Variants in CA14 observed in about 807,000 individuals in gnomAD.
CA14 encodes the protein carbonic anhydrase 14.
In CA14, 44 loss-of-function variants were observed where a neutral mutation model predicts 48.8. That is an observed-to-expected ratio of 0.90 (90% CI 0.71 to 1.16). CA14 has a LOEUF of 1.16. CA14 is among the 50% of genes most tolerant of loss of function. The probability of loss-of-function intolerance (pLI) is 0.00; values close to 1 mark genes in which losing one functional copy is unlikely to be tolerated. For synonymous variants in CA14, 154 were observed against 155.0 expected (o/e 0.99, Z 0.05); for missense variants, 386 against 401.0 (o/e 0.96, Z 0.32).
chr1:150,258,903 A>G (rs1650766028), intron 1 of CA14, among the ~76,000 whole-genome samples: 1 of 152,166 alleles, frequency 6.6e-6, no homozygotes, highest in African/African-American at 2.4e-5. Flanking sequence ...GTTTGTGGAA[A>G]GAGCAGGGTG....
intron 9 of CA14, 37 bp downstream of exon 9, chr1:150,263,716 G>A (rs782179449): frequency 1.5e-5 from 24 of 1,613,076 alleles, no homozygotes; most frequent in Non-Finnish European, 2.0e-5. Flanking sequence ...GGGAGGGGAG[G>A]TGTCCTCACC....
At position 150,258,163 on chromosome 1, in the gene CA14, G is replaced by T; in HGVS notation, c.35G>T (p.Trp12Leu). The T allele has an allele frequency of 6.2e-7, 1 of 1,611,490 alleles. No homozygotes were observed. Among genetic ancestry groups the T allele is most frequent in the Non-Finnish European group, 8.5e-7 (1 of 1,178,372 alleles). Residue 12 changes from tryptophan (W) to leucine (L), a missense_variant, in exon 1 of 11, where the codon TGG becomes TTG. Physicochemically the swap from Trp to Leu is moderately conservative, Grantham distance 61. Coordinates refer to ENST00000369111, the MANE Select transcript of CA14 (RefSeq NM_012113.3). ...TCCGCCCTCCTGCTGGAGGTGATTT[G>T]GATCCTGGCTGCAGATGGGGGTAGG... ...LFSALLLEVI[W>L]ILAADGGQHW...
rs1261914892 is a variant in CA14 at position 150,257,848 on chromosome 1, C to T, written c.-281C>T. On this transcript the variant is annotated 5_prime_UTR_variant, in exon 1 of 11. Coordinates refer to ENST00000369111, the MANE Select transcript of CA14 (RefSeq NM_012113.3). ...AGGCAGTTGTAAAGTCGCTGGCCAG[C>T]TAGTGGAGTGGAGACTGCAGAGGGA... 5 of 238,198 alleles carry T rather than the reference C, an allele frequency of 2.1e-5. No individual in the cohort carries two copies. The highest frequency in any genetic ancestry group is 4.1e-5 in the Non-Finnish European group (5 of 122,210). 14.8% of individuals were successfully genotyped at this position (238,198 alleles called of 1,614,324 possible).
chr1:150,262,704 A>G, intron 5 of CA14, 84 bp downstream of exon 5: 1 of 1,388,700 alleles, frequency 7.2e-7, no homozygotes, highest in Non-Finnish European at 1.0e-6. Flanking sequence ...CCTCCTTCCT[A>G]TGGCAGGCAG....
At chr1:150,260,045 A>G (rs1440135129) in intron 1 of CA14, 106 bp from the exon 2 acceptor site, 2 of 1,071,672 alleles carry the variant, frequency 1.9e-6, no homozygotes, top group Non-Finnish European at 2.8e-6. Flanking sequence ...GAGAGACTGC[A>G]GAGAGGGAGG....
chr1:150,261,171 C>T (rs1650998652), intron 2 of CA14: 5 of 415,180 alleles, frequency 1.2e-5, no homozygotes, highest in African/African-American at 7.9e-5. Context: ...GCTTTCTTGT[C>T]CTCAAAATAC....
intron 1 of CA14, 105 bp downstream of exon 1, chr1:150,258,288 G>C (rs1185829482): frequency 1.2e-5 from 10 of 853,690 alleles, no homozygotes; most frequent in African/African-American, 1.2e-4. Context: ...CTAGAGGCTG[G>C]AATAATAGGC....
At chr1:150,260,215 A>C in intron 2 of CA14, 44 bp downstream of exon 2, 1 of 1,596,872 alleles carries the variant, frequency 6.3e-7, no homozygotes, top group Non-Finnish European at 8.6e-7. Context: ...TCACACTGGG[A>C]CCTCCTCACC....
rs1196390825 is a variant in CA14, at chr1:150,260,176, G to A, written c.76+5G>A. 2 of 1,613,854 alleles carry A rather than the reference G, an allele frequency of 1.2e-6. No individual in the cohort carries two copies. The highest frequency in any genetic ancestry group is 1.3e-5 in the African/African-American group (1 of 74,926). ...GTCAACACTGGACGTATGAGGGTGA[G>A]CAGATCTCAAGGCCTCCCGACAACC... On this transcript the variant is annotated splice_donor_5th_base_variant and intron_variant, in intron 2 of 10. Transcript: ENST00000369111.
Position 150,263,819 on chromosome 1 carries a change from A to G in CA14, c.888A>G (p.Gly296=), listed in dbSNP as rs1325283827. The change falls in exon 10 of 11, where the codon GGA becomes GGG. Residue 296 remains glycine, a synonymous_variant. Transcript: ENST00000369111. ...GTGAAATGCTGAGTCTAGGTGTAGG[A>G]ATCTTGGTTGGCTGTCTCTGCCTTC... is the stretch of plus-strand genomic sequence containing the variant. The part of the protein sequence containing the change: ...TTGEMLSLGV[G]ILVGCLCLLL... 1 of 1,613,766 alleles carries G rather than the reference A, an allele frequency of 6.2e-7. No individual in the cohort carries two copies.
intron 10 of CA14, 37 bp downstream of exon 10, chr1:150,263,915 C>CTTTTT (rs34291619): frequency 7.7e-5 from 66 of 860,242 alleles, no homozygotes; most frequent in Non-Finnish European, 8.7e-5. Flanking sequence ...GTCCCTTCTT[C>CTTTTT]TTTTTTTTTT....
chr1:150,262,452 G>A, intron 4 of CA14, 73 bp from the exon 5 acceptor site: 1 of 1,482,216 alleles, frequency 6.7e-7, no homozygotes, highest in Non-Finnish European at 9.4e-7. Context: ...GCGGGGGGAT[G>A]GTGGCAGCTA....
At position 150,263,194 on chromosome 1, in the gene CA14, G is replaced by T. The variant is rs782581132; in HGVS notation, c.715G>T (p.Glu239Ter). Residue 239 changes from glutamate (E) to a stop codon, truncating the protein, a stop_gained, in exon 7 of 11, where the codon GAA (glutamate) becomes TAA (stop). Coordinates refer to ENST00000369111, the MANE Select transcript of CA14 (RefSeq NM_012113.3). LOFTEE classifies it high-confidence loss of function. The part of the protein sequence containing the change: ...VFYRRSQISM[E>*]QLEKLQGTLF... ...TTATAGAAGGTCCCAGATTTCAATG[G>T]AACAGGTAAGTGGTGGAGAAACGAG... is the stretch of plus-strand genomic sequence containing the variant. 1.3e-5 allele frequency: 21 copies of T among 1,614,086 alleles called. No individual in the cohort carries two copies. The highest frequency in any genetic ancestry group is 5.0e-5 in the Admixed American group (3 of 60,012).
chr1:150,259,303 C>A (rs1553847313), intron 1 of CA14, among the ~76,000 whole-genome samples: 1 of 152,150 alleles, frequency 6.6e-6, no homozygotes, highest in East Asian at 1.9e-4. Context: ...ACCATGAAGG[C>A]CTTCGTTTTC....
In CA14 at chr1:150,263,525, A is replaced by T. The variant is rs1394832878; in HGVS notation, c.841+106A>T. ...GCTAAAAGGGGAGGGGGTTTCTGGG[A>T]CTTGCTTGGACTGGGAACCAACCCC... On this transcript the variant is annotated intron_variant, in intron 8 of 10. Transcript: ENST00000369111. The T allele has an allele frequency of 3.1e-6, 5 of 1,605,998 alleles. No individual in the cohort carries two copies. In the African/African-American group the frequency reaches 5.4e-5, roughly 17 times the overall value.
At chr1:150,258,280 A>G (rs1410769058) in intron 1 of CA14, 97 bp downstream of exon 1, 9 of 963,364 alleles carry the variant, frequency 9.3e-6, no homozygotes, top group Non-Finnish European at 1.4e-5. Flanking sequence ...AAGGAAGCCT[A>G]GAGGCTGGAA....
rs1553848105 is a variant in CA14 at position 150,262,553 on chromosome 1, C to T, written c.428C>T (p.Ser143Phe). The T allele has an allele frequency of 6.2e-7, 1 of 1,613,964 alleles. No homozygotes were observed. The highest frequency in any genetic ancestry group is 8.5e-7 in the Non-Finnish European group (1 of 1,179,862). ...ELHIVHYDSD[S>F]YDSLSEAAER... ...CACATTGTACATTATGACTCTGATT[C>T]CTATGACAGCTTGAGTGAGGCTGCT... The change falls in exon 5 of 11, where the codon TCC becomes TTC. Residue 143 changes from serine to phenylalanine, a missense_variant. Physicochemically the swap from Ser to Phe is radical, Grantham distance 155 (BLOSUM62 -2). Transcript: ENST00000369111.
rs1651186524 is a variant in CA14, at chr1:150,262,880, A to C, written c.562+10A>C. ...GAAGTCAGGCATAAAGGTGAGCCTT[A>C]AAAATCTATAGCAGGAAGTAAGATT... is the stretch of plus-strand genomic sequence containing the variant. On this transcript the variant is annotated intron_variant, in intron 6 of 10. Coordinates refer to ENST00000369111, the MANE Select transcript of CA14 (RefSeq NM_012113.3). 6.2e-7 allele frequency: 1 copy of C among 1,606,106 alleles called. No individual in the cohort carries two copies. Among genetic ancestry groups the C allele is most frequent in the East Asian group, 2.2e-5 (1 of 44,854 alleles).
chr1:150,262,521 T>C lies in CA14; in HGVS notation c.400-4T>C. The C allele has an allele frequency of 6.2e-7, 1 of 1,611,500 alleles. No individual in the cohort carries two copies. Among genetic ancestry groups the C allele is most frequent in the Non-Finnish European group, 8.5e-7 (1 of 1,177,630 alleles). On this transcript the variant is annotated splice_polypyrimidine_tract_variant and splice_region_variant and intron_variant, in intron 4 of 10. Coordinates refer to ENST00000369111, the MANE Select transcript of CA14 (RefSeq NM_012113.3). Reference sequence around the variant, plus strand: ...ATGATTCAATTCCCTCTTCCTTCCTTTAGCTCCACATTGTACATTATGACT... The same window carrying C: ...ATGATTCAATTCCCTCTTCCTTCCTCTAGCTCCACATTGTACATTATGACT...
Sources: allele counts gnomAD v4.1 joint callset (sites outside exome capture counted in the v4.1 genomes callset), GRCh38; gene constraint gnomAD v4.1.1; transcripts MANE v1.5; gene names NCBI Gene and HGNC (gene_info 2026-07-23, HGNC 2026-07-21).